The following TIPARP variants were observed in gnomAD, a reference collection of about 807,000 sequenced individuals.
TIPARP encodes protein mono-ADP-ribosyltransferase TIPARP.
A neutral mutation model predicts 56.5 loss-of-function variants in TIPARP; 12 were observed. The ratio of observed to expected loss-of-function variants is 0.21; its 90% CI spans 0.14 to 0.34. The LOEUF is 0.34. TIPARP is among the 10% of genes least tolerant of loss of function. The probability of loss-of-function intolerance (pLI) is 1.00; values close to 1 mark genes in which losing one functional copy is unlikely to be tolerated. For missense variants in TIPARP, 604 were observed against 781.6 expected (o/e 0.77, Z 2.71); for synonymous variants, 296 against 265.7 (o/e 1.11, Z -1.11).
chr3:156,703,575 G>C lies in TIPARP; in HGVS notation c.1399G>C (p.Val467Leu), dbSNP rs777573979. 3 of 1,614,070 alleles carry C rather than the reference G, an allele frequency of 1.9e-6. No individual in the cohort carries two copies. Among genetic ancestry groups the C allele is most frequent in the Non-Finnish European group, 2.5e-6 (3 of 1,180,054 alleles). Reference protein sequence around the residue: ...HPSQDFIQVPVSAEDKSYRII... With the variant: ...HPSQDFIQVPLSAEDKSYRII... Reference sequence around the variant, plus strand: ...ATCTCAGGACTTCATCCAAGTCCCTGTTTCTGCAGAGGATAAAAGTTATCG... The same window carrying C: ...ATCTCAGGACTTCATCCAAGTCCCTCTTTCTGCAGAGGATAAAAGTTATCG... Residue 467 changes from valine to leucine, a missense_variant, in exon 5 of 6, where the codon GTT becomes CTT. By Grantham distance (32) the Val-to-Leu change is conservative. Around this residue, in one of 4 missense-constraint regions of TIPARP, gnomAD observed 252 missense variants for 303.9 expected, o/e 0.83. Transcript: ENST00000295924.
rs193197 is a variant in TIPARP at position 156,693,943 on chromosome 3, A to G, written c.918-77A>G. On this transcript the variant is annotated intron_variant, in intron 2 of 5. Transcript: ENST00000295924. ...CTATGCTATGTATTTTTAATGTCCA[A>G]TGATATTTTTAGATATTTCTGTTTT... 573,948 of 1,428,746 alleles carry G rather than the reference A, an allele frequency of 0.4. 118,768 individuals carry two copies. The highest frequency in any genetic ancestry group is 0.45 in the South Asian group (30,635 of 68,564). The allele number at this position is 1,428,746 out of a possible 1,614,324, so 88.5% of individuals were successfully genotyped here.
intron 5 of TIPARP, among the ~76,000 whole-genome samples, chr3:156,704,012 C>CAAA (rs11452301): frequency 7.4e-5 from 9 of 122,146 alleles, no homozygotes; most frequent in South Asian, 2.8e-4. Context: ...GACTCCGTCT[C>CAAA]AAAAAAAAAA....
rs1722946123 is a variant in TIPARP at position 156,705,008 on chromosome 3, C to T, written c.1851C>T (p.Asp617=). Residue 617 remains aspartate, a synonymous_variant, in exon 6 of 6, where the codon GAC becomes GAT. Coordinates refer to ENST00000295924, the MANE Select transcript of TIPARP (RefSeq NM_015508.5). Reference sequence around the variant, plus strand: ...TCAATCCTGGCAGTGTCACCAGTGACCTTTATGACTCTTGTGTGGATAATT... The same window carrying T: ...TCAATCCTGGCAGTGTCACCAGTGATCTTTATGACTCTTGTGTGGATAATT... ...PPVNPGSVTS[D]LYDSCVDNFF... The T allele has an allele frequency of 6.2e-7, 1 of 1,614,166 alleles. No individual in the cohort carries two copies. Among genetic ancestry groups the T allele is most frequent in the Non-Finnish European group, 8.5e-7 (1 of 1,180,026 alleles).
At chr3:156,684,104 A>G (rs1178196423) in intron 2 of TIPARP, among the ~76,000 whole-genome samples, 1 of 152,222 alleles carries the variant, frequency 6.6e-6, no homozygotes, top group Non-Finnish European at 1.5e-5. Context: ...CATATTTCAA[A>G]TTGCAAGATA....
chr3:156,703,735 C>G (rs746243604), intron 5 of TIPARP, 33 bp downstream of exon 5: 18 of 1,580,326 alleles, frequency 1.1e-5, no homozygotes, highest in Non-Finnish European at 1.5e-5. Flanking sequence ...TCAAGACGGC[C>G]GGGCGCAGTG....
At chr3:156,692,901 A>G (rs1722613258) in intron 2 of TIPARP, among the ~76,000 whole-genome samples, 1 of 152,120 alleles carries the variant, frequency 6.6e-6, no homozygotes, top group Admixed American at 6.6e-5. Flanking sequence ...GCTGGAGTGC[A>G]GTGGTGCAAC....
chr3:156,694,450 T>A (rs1722658773), intron 3 of TIPARP, among the ~76,000 whole-genome samples: 1 of 152,228 alleles, frequency 6.6e-6, no homozygotes. Flanking sequence ...AATCTTGCAT[T>A]ATAGAGATGA....
At position 156,705,563 on chromosome 3, in the gene TIPARP, A is replaced by G. The variant is rs1722959062; in HGVS notation, c.*432A>G. The stretch of plus-strand genomic sequence containing the variant: ...TTTGATAAAACTTACTGGAACTAGT[A>G]CTACCATGCGTATTCCCTGTCCAAA... On this transcript the variant is annotated 3_prime_UTR_variant, in exon 6 of 6. Coordinates refer to ENST00000295924, the MANE Select transcript of TIPARP (RefSeq NM_015508.5). 6.2e-6 allele frequency: 1 copy of G among 160,458 alleles called. No individual in the cohort carries two copies. Among genetic ancestry groups the G allele is most frequent in the African/African-American group, 2.4e-5 (1 of 41,514 alleles). The allele number at this position is 160,458 out of a possible 1,614,324, so 9.9% of individuals were successfully genotyped here.
At chr3:156,692,170 C>T (rs1204409788) in intron 2 of TIPARP, among the ~76,000 whole-genome samples, 4 of 152,036 alleles carry the variant, frequency 2.6e-5, no homozygotes, top group African/African-American at 9.7e-5. Context: ...GGGCGATAAG[C>T]TTAAAGGGGG....
In TIPARP at chr3:156,705,151, A is replaced by T. The variant is rs1183120080; in HGVS notation, c.*20A>T. 7.8e-7 allele frequency: 1 copy of T among 1,284,244 alleles called. No homozygotes were observed. Among genetic ancestry groups the T allele is most frequent in the Non-Finnish European group, 1.0e-6 (1 of 978,492 alleles). The allele number at this position is 1,284,244 out of a possible 1,614,324, so 79.6% of individuals were successfully genotyped here. ...ATTTGAAAAATCTTGGTACTGCTAA[A>T]TTATTTGATATGAACTCAATCCAGC... On this transcript the variant is annotated 3_prime_UTR_variant, in exon 6 of 6. Transcript: ENST00000295924.
intron 2 of TIPARP, among the ~76,000 whole-genome samples, chr3:156,685,710 C>T (rs1473602964): frequency 6.6e-6 from 1 of 152,174 alleles, no homozygotes; most frequent in African/African-American, 2.4e-5. Flanking sequence ...TTGAAGAATT[C>T]TTAAATTGTC....
chr3:156,699,906 C>T (rs796328428), intron 4 of TIPARP, among the ~76,000 whole-genome samples: 2 of 152,138 alleles, frequency 1.3e-5, no homozygotes, highest in South Asian at 2.1e-4. Flanking sequence ...TGGGTAAATG[C>T]AGTGATCCTA....
At chr3:156,695,792 T>G (rs1722696778) in intron 3 of TIPARP, 73 bp from the exon 4 acceptor site, 3 of 1,479,264 alleles carry the variant, frequency 2.0e-6, no homozygotes, top group Admixed American at 2.7e-5. Flanking sequence ...TGCCTTTGGT[T>G]AATTTTCATT....
Position 156,678,245 on chromosome 3 carries a change from A to G in TIPARP, c.548A>G (p.Asp183Gly). ...CCTGACTGCTTAGACAAAGTCATAG[A>G]TTATGTTCCAGGCATTTTCCAAGAA... ...TSPDCLDKVI[D>G]YVPGIFQENS... The change falls in exon 2 of 6, where the codon GAT (aspartate) becomes GGT (glycine). Residue 183 changes from aspartate (D) to glycine (G), a missense_variant. Asp to Gly is a moderately conservative substitution (Grantham distance 94). Around this residue, in one of 4 missense-constraint regions of TIPARP, gnomAD observed 261 missense variants for 279.2 expected, o/e 0.93. Coordinates refer to ENST00000295924, the MANE Select transcript of TIPARP (RefSeq NM_015508.5). 6.2e-7 allele frequency: 1 copy of G among 1,614,124 alleles called. No homozygotes were observed. Among genetic ancestry groups the G allele is most frequent in the South Asian group, 1.1e-5 (1 of 91,082 alleles).
chr3:156,696,048 C>G, intron 4 of TIPARP, 23 bp downstream of exon 4: 1 of 1,595,514 alleles, frequency 6.3e-7, no homozygotes. Flanking sequence ...TATGAAGTTG[C>G]AATATTTACT....
chr3:156,691,533 A>G (rs1347152467), intron 2 of TIPARP, among the ~76,000 whole-genome samples: 1 of 152,154 alleles, frequency 6.6e-6, no homozygotes, highest in Non-Finnish European at 1.5e-5. Context: ...CATCACGATT[A>G]TCATACATAG....
chr3:156,702,077 G>T (rs970783144), intron 4 of TIPARP, among the ~76,000 whole-genome samples: 1 of 149,866 alleles, frequency 6.7e-6, no homozygotes, highest in East Asian at 2.0e-4. Context: ...TGGTGGTTGT[G>T]GTGGTGGTGG....
At chr3:156,698,867 T>A (rs1305833555) in intron 4 of TIPARP, among the ~76,000 whole-genome samples, 1 of 152,240 alleles carries the variant, frequency 6.6e-6, no homozygotes, top group African/African-American at 2.4e-5. Flanking sequence ...ATTTACCATT[T>A]TAGATGCCAT....
At chr3:156,695,789 G>C in intron 3 of TIPARP, 76 bp from the exon 4 acceptor site, 2 of 1,455,706 alleles carry the variant, frequency 1.4e-6, no homozygotes, top group Non-Finnish European at 1.8e-6. Flanking sequence ...TTTTGCCTTT[G>C]GTTAATTTTC....
Sources: allele counts gnomAD v4.1 joint callset (sites outside exome capture counted in the v4.1 genomes callset), GRCh38; gene constraint gnomAD v4.1.1; regional missense constraint gnomAD v4.1.1; transcripts MANE v1.5; gene names NCBI Gene and HGNC (gene_info 2026-07-23, HGNC 2026-07-21).